Variants in TTC28 observed in about 807,000 individuals in gnomAD.
TTC28 encodes tetratricopeptide repeat domain 28.
Under a neutral mutation model 198.0 loss-of-function variants are expected in TTC28, and 61 were observed. The observed-to-expected ratio is 0.31, with a 90% CI of 0.25 to 0.38. The LOEUF (loss-of-function observed/expected upper bound fraction) is 0.38, where lower values mean the gene tolerates loss of function less well. Among genes scored for constraint, TTC28 ranks in the 10% least tolerant of loss-of-function variants. TTC28 has a pLI of 1.00. For synonymous variants in TTC28, 1,171 were observed against 1,297.8 expected (o/e 0.90, Z 2.10); for missense variants, 2,678 against 3,164.0 (o/e 0.85, Z 3.69).
intron 14 of TTC28, among the ~76,000 whole-genome samples, chr22:28,009,676 G>C (rs1296638578): frequency 6.6e-6 from 1 of 152,204 alleles, no homozygotes; most frequent in Non-Finnish European, 1.5e-5. Context: ...ACCGGCCTCG[G>C]GTGCTGGCCT....
chr22:28,086,967 G>C (rs1042724639), intron 12 of TTC28, among the ~76,000 whole-genome samples: 1 of 152,146 alleles, frequency 6.6e-6, no homozygotes, highest in Admixed American at 6.5e-5. Context: ...CCAGGAAGAA[G>C]TTGAATATCT....
At chr22:28,162,954 G>GGAAAA in intron 6 of TTC28, 138 bp downstream of exon 6, 1 of 1,222,280 alleles carries the variant, frequency 8.2e-7, no homozygotes, top group Non-Finnish European at 1.1e-6. Flanking sequence ...AAAAAGAAAA[G>GGAAAA]GAAAAGAAAA....
At chr22:28,304,624 A>G (rs1399961542) in intron 3 of TTC28, among the ~76,000 whole-genome samples, 1 of 152,222 alleles carries the variant, frequency 6.6e-6, no homozygotes, top group African/African-American at 2.4e-5. Flanking sequence ...GGGCGACAGC[A>G]GCTCTGAGCT....
chr22:28,442,290 C>T (rs1036838723), intron 2 of TTC28, among the ~76,000 whole-genome samples: 2 of 152,220 alleles, frequency 1.3e-5, no homozygotes, highest in Admixed American at 1.3e-4. Flanking sequence ...CACGGGCCCA[C>T]GAGGCCTCAG....
chr22:28,181,067 G>A (rs2147104243), intron 5 of TTC28, among the ~76,000 whole-genome samples: 1 of 152,306 alleles, frequency 6.6e-6, no homozygotes, highest in South Asian at 2.1e-4. Context: ...TTAGAGAGCT[G>A]TTAGTGATAG....
At chr22:28,302,649 C>G (rs768714942) in intron 3 of TTC28, among the ~76,000 whole-genome samples, 1 of 152,048 alleles carries the variant, frequency 6.6e-6, no homozygotes, top group Non-Finnish European at 1.5e-5. Flanking sequence ...GGGGAAGAAG[C>G]CTATGTTTTT....
chr22:28,055,203 G>T lies in TTC28; in HGVS notation c.3933-24837C>A, dbSNP rs1325052879. Among the ~76,000 whole-genome samples, 4 of 152,280 alleles carry T rather than the reference G, an allele frequency of 2.6e-5. No homozygotes were observed. The South Asian group carries it at 8.3e-4, about 32-fold the overall frequency. ...TTGCTGAGCCCCCATGCAGCGAAAA[G>T]ATAGGGAGTAACAGACACAGTCCCT... On this transcript the variant is annotated intron_variant, in intron 12 of 22. Coordinates refer to ENST00000397906, the MANE Select transcript of TTC28 (RefSeq NM_001145418.2).
intron 2 of TTC28, among the ~76,000 whole-genome samples, chr22:28,422,615 AT>A (rs961188709): frequency 2.6e-4 from 37 of 144,428 alleles, no homozygotes; most frequent in Admixed American, 4.1e-4. Flanking sequence ...ATTTTTTGTA[AT>A]TTTTTTTTTT....
At chr22:28,513,512 G>A (rs1187064253) in intron 2 of TTC28, among the ~76,000 whole-genome samples, 1 of 152,170 alleles carries the variant, frequency 6.6e-6, no homozygotes, top group Non-Finnish European at 1.5e-5. Context: ...GCTGAGGCAG[G>A]AGAAGCACTT....
chr22:28,516,946 C>A (rs1245061587), intron 2 of TTC28, among the ~76,000 whole-genome samples: 2 of 152,110 alleles, frequency 1.3e-5, no homozygotes, highest in South Asian at 2.1e-4. Context: ...ATAAATGATA[C>A]TCACTACAAC....
chr22:28,660,209 C>T (rs1401045620), intron 1 of TTC28, among the ~76,000 whole-genome samples: 1 of 152,204 alleles, frequency 6.6e-6, no homozygotes, highest in Non-Finnish European at 1.5e-5. Flanking sequence ...AGTACTAACA[C>T]ATTTTCTCTT....
At chr22:28,337,288 G>T (rs983291544) in intron 2 of TTC28, among the ~76,000 whole-genome samples, 1 of 152,146 alleles carries the variant, frequency 6.6e-6, no homozygotes, top group Non-Finnish European at 1.5e-5. Context: ...AATAGGTGTG[G>T]TGTGGTGCTG....
chr22:28,460,579 C>T (rs2047933698), intron 2 of TTC28, among the ~76,000 whole-genome samples: 1 of 151,054 alleles, frequency 6.6e-6, no homozygotes, highest in South Asian at 2.1e-4. Context: ...TATGTACATA[C>T]ATATAATAGA....
chr22:28,154,452 T>G (rs764882881), intron 6 of TTC28, among the ~76,000 whole-genome samples: 1 of 151,606 alleles, frequency 6.6e-6, no homozygotes, highest in Non-Finnish European at 1.5e-5. Context: ...CCCAGGTTCA[T>G]GCCATTCTCC....
At chr22:28,115,205 G>A (rs1942598317) in intron 6 of TTC28, among the ~76,000 whole-genome samples, 1 of 151,906 alleles carries the variant, frequency 6.6e-6, no homozygotes, top group Non-Finnish European at 1.5e-5. Context: ...CTGTGACCCG[G>A]GCTGAAGTCC....
intron 2 of TTC28, among the ~76,000 whole-genome samples, chr22:28,423,914 T>G (rs984406993): frequency 1.3e-5 from 2 of 152,194 alleles, no homozygotes; most frequent in Non-Finnish European, 2.9e-5. Flanking sequence ...ATTTAAATCT[T>G]GAATGCTACA....
intron 12 of TTC28, among the ~76,000 whole-genome samples, chr22:28,030,571 CTGGT>C (rs1939035293): frequency 6.6e-6 from 1 of 152,202 alleles, no homozygotes; most frequent in Non-Finnish European, 1.5e-5. Flanking sequence ...AAGATGAACT[CTGGT>C]TGGTTGTTTA....
intron 6 of TTC28, among the ~76,000 whole-genome samples, chr22:28,161,798 A>G (rs1018509658): frequency 7.1e-6 from 1 of 140,442 alleles, no homozygotes; most frequent in East Asian, 2.4e-4. Context: ...GGAAGGGAGG[A>G]AGGGAGGGAG....
At position 28,321,655 on chromosome 22, in the gene TTC28, A is replaced by G. The variant is rs182490741; in HGVS notation, c.382-15012T>C. On this transcript the variant is annotated intron_variant, in intron 2 of 22. Coordinates refer to ENST00000397906, the MANE Select transcript of TTC28 (RefSeq NM_001145418.2). ...GGGTTAGTGATAAACTATGGAAAGC[A>G]CCCAGCACAGTGTCTAGTACAGAGT... 1.2e-4 allele frequency among the ~76,000 whole-genome samples: 18 copies of G among 152,322 alleles called. 1 individual carries two copies. The East Asian group carries it at 3.3e-3, about 28-fold the overall frequency.
Sources: gnomAD v4.1 joint callset for allele counts (sites outside exome capture counted in the v4.1 genomes callset) on GRCh38, gnomAD v4.1.1 for gene constraint, MANE v1.5 for transcripts, NCBI Gene and HGNC (gene_info 2026-07-23, HGNC 2026-07-21) for gene names.